CNTN5: variants seen among roughly 807,000 people sequenced by gnomAD.
The protein encoded by CNTN5 is contactin-5.
A neutral mutation model predicts 129.1 loss-of-function variants in CNTN5; 77 were observed. The observed-to-expected ratio is 0.60, with a 90% CI of 0.50 to 0.72. The LOEUF is 0.72. Among genes scored for constraint, CNTN5 ranks in the 30% least tolerant of loss-of-function variants. CNTN5 has a pLI of 0.00. For synonymous variants in CNTN5, 509 were observed against 465.6 expected, an observed-to-expected ratio of 1.09 and a Z score of -1.20; for missense variants, 1,478 against 1,328.8, an observed-to-expected ratio of 1.11 and a Z score of -1.75.
chr11:99,399,030 CT>C (rs1941668370), intron 2 of CNTN5, among the ~76,000 whole-genome samples: 1 of 151,852 alleles, frequency 6.6e-6, no homozygotes, highest in African/African-American at 2.4e-5. Flanking sequence ...GTAGAGGTCT[CT>C]TACTTCTGTT....
At chr11:99,415,028 T>C (rs1942584820) in intron 2 of CNTN5, among the ~76,000 whole-genome samples, 1 of 149,660 alleles carries the variant, frequency 6.7e-6, no homozygotes, top group Non-Finnish European at 1.5e-5. Context: ...AAGTATTTGT[T>C]CTCATGGATT....
chr11:99,582,325 A>T (rs1354289017), intron 3 of CNTN5, among the ~76,000 whole-genome samples: 1 of 152,068 alleles, frequency 6.6e-6, no homozygotes, highest in African/African-American at 2.4e-5. Flanking sequence ...CTTCTCGAGG[A>T]GTATCTTTGT....
intron 13 of CNTN5, among the ~76,000 whole-genome samples, chr11:100,178,624 G>C (rs1948040106): frequency 6.6e-6 from 1 of 152,186 alleles, no homozygotes; most frequent in African/African-American, 2.4e-5. Flanking sequence ...TCACCAGACA[G>C]TTGTGGTTTT....
chr11:99,753,666 A>G (rs1944312131), intron 3 of CNTN5, among the ~76,000 whole-genome samples: 1 of 140,890 alleles, frequency 7.1e-6, no homozygotes, highest in South Asian at 2.3e-4. Flanking sequence ...AAAAAAAAAA[A>G]AAACAGGTAA....
intron 16 of CNTN5, among the ~76,000 whole-genome samples, chr11:100,229,028 T>C (rs1000477513): frequency 6.6e-6 from 1 of 152,062 alleles, no homozygotes; most frequent in Non-Finnish European, 1.5e-5. Flanking sequence ...TCGCAGATCT[T>C]GAACTACACA....
At chr11:100,011,860 C>G (rs753214689) in intron 9 of CNTN5, among the ~76,000 whole-genome samples, 12 of 152,102 alleles carry the variant, frequency 7.9e-5, no homozygotes, top group Non-Finnish European at 1.5e-4. Flanking sequence ...GCTCTTGTGT[C>G]CCATTGTAAC....
intron 3 of CNTN5, among the ~76,000 whole-genome samples, chr11:99,748,549 A>G (rs561337323): frequency 6.6e-5 from 10 of 152,188 alleles, no homozygotes; most frequent in Non-Finnish European, 1.0e-4. Flanking sequence ...GCCAATGTAT[A>G]ATTAAATGAG....
intron 7 of CNTN5, among the ~76,000 whole-genome samples, chr11:99,954,093 T>G (rs1384629961): frequency 6.6e-6 from 1 of 152,156 alleles, no homozygotes; most frequent in African/African-American, 2.4e-5. Context: ...TTTGTATACC[T>G]GTGTAACAAA....
At chr11:100,066,462 T>C (rs930640432) in intron 10 of CNTN5, among the ~76,000 whole-genome samples, 3 of 152,106 alleles carry the variant, frequency 2.0e-5, no homozygotes, top group African/African-American at 7.2e-5. Context: ...GAATTTCTAA[T>C]GACAAGAGAT....
chr11:99,910,872 G>A (rs944718791), intron 6 of CNTN5, among the ~76,000 whole-genome samples: 12 of 152,054 alleles, frequency 7.9e-5, no homozygotes, highest in African/African-American at 2.9e-4. Flanking sequence ...AAAATTTACA[G>A]TGACCTGAAT....
chr11:99,129,255 C>T (rs1458521175), intron 1 of CNTN5, among the ~76,000 whole-genome samples: 3 of 152,118 alleles, frequency 2.0e-5, no homozygotes, highest in Non-Finnish European at 2.9e-5. Flanking sequence ...TAGAGAGGAA[C>T]ATAAATGACC....
chr11:100,345,370 G>A (rs1422260004), intron 23 of CNTN5, among the ~76,000 whole-genome samples: 1 of 152,122 alleles, frequency 6.6e-6, no homozygotes, highest in Non-Finnish European at 1.5e-5. Context: ...GAAAGGAGAA[G>A]TCCTTGTGAT....
chr11:99,966,774 T>C (rs1413547978), intron 8 of CNTN5, among the ~76,000 whole-genome samples: 2 of 152,224 alleles, frequency 1.3e-5, no homozygotes, highest in Admixed American at 1.3e-4. Context: ...CTCCTTCTAA[T>C]ACTTACATAA....
chr11:99,228,331 G>A (rs867016059), intron 1 of CNTN5, among the ~76,000 whole-genome samples: 9 of 152,126 alleles, frequency 5.9e-5, no homozygotes, highest in Admixed American at 2.0e-4. Context: ...GCTGGCAAGC[G>A]TCTGTGTGAG....
intron 1 of CNTN5, among the ~76,000 whole-genome samples, chr11:99,145,224 C>A (rs1859718457): frequency 6.6e-6 from 1 of 152,086 alleles, no homozygotes; most frequent in South Asian, 2.1e-4. Context: ...CATGAGCAAC[C>A]ATGCCTGGCT....
chr11:100,034,652 A>T (rs546666918), intron 9 of CNTN5, among the ~76,000 whole-genome samples: 9 of 152,290 alleles, frequency 5.9e-5, no homozygotes, highest in African/African-American at 2.2e-4. Context: ...AGCCATGTCC[A>T]TTTACTTGTG....
intron 3 of CNTN5, among the ~76,000 whole-genome samples, chr11:99,564,920 G>A (rs1948953635): frequency 6.6e-6 from 1 of 151,978 alleles, no homozygotes; most frequent in Non-Finnish European, 1.5e-5. Flanking sequence ...CCTTTACTCT[G>A]TTATGCAGAA....
intron 3 of CNTN5, among the ~76,000 whole-genome samples, chr11:99,629,505 C>T (rs1258126948): frequency 3.3e-5 from 5 of 151,838 alleles, no homozygotes; most frequent in African/African-American, 1.2e-4. Context: ...CATCCTTGTT[C>T]CTAGTCTATA....
At chr11:99,531,945 C>G (rs1215825246) in intron 2 of CNTN5, among the ~76,000 whole-genome samples, 1 of 152,098 alleles carries the variant, frequency 6.6e-6, no homozygotes, top group Admixed American at 6.5e-5. Context: ...AATATGAGGT[C>G]GGAGAACCCA....
Sources: allele counts gnomAD v4.1 joint callset (sites outside exome capture counted in the v4.1 genomes callset), GRCh38; gene constraint gnomAD v4.1.1; transcripts MANE v1.5; gene names NCBI Gene and HGNC (gene_info 2026-07-23, HGNC 2026-07-21).